The following CPSF3 variants were observed in gnomAD, a reference collection of about 807,000 sequenced individuals.
The protein encoded by CPSF3 is cleavage and polyadenylation specificity factor subunit 3.
A neutral mutation model predicts 84.1 loss-of-function variants in CPSF3; 57 were observed. The observed-to-expected ratio is 0.68, with a 90% confidence interval of 0.55 to 0.85. CPSF3 has a LOEUF of 0.85. Ranked by LOEUF, CPSF3 falls within the 40% of genes least tolerant of loss-of-function variation. The probability of loss-of-function intolerance (pLI) is 0.00; values close to 1 mark genes in which losing one functional copy is unlikely to be tolerated. For missense variants in CPSF3, 522 were observed against 838.8 expected (o/e 0.62, Z 4.66); for synonymous variants, 275 against 278.1 (o/e 0.99, Z 0.11).
Position 9,423,790 on chromosome 2 carries a change from C to T in CPSF3, c.17C>T (p.Ala6Val). 6.2e-7 allele frequency: 1 copy of T among 1,613,702 alleles called. No individual in the cohort carries two copies. The highest frequency in any genetic ancestry group is 8.5e-7 in the Non-Finnish European group (1 of 1,179,850). MSAIP[A>V]EESDQLLIRP... ...ACTTTCGGGATGTCTGCGATTCCTG[C>T]TGAGGAGAGCGACCAGCTGCTGATC... Residue 6 changes from alanine (A) to valine (V), a missense_variant, in exon 1 of 18, where the codon GCT becomes GTT. Physicochemically the swap from Ala to Val is moderately conservative, Grantham distance 64. This residue lies in a region of CPSF3 where 329 missense variants were observed against 607.2 expected (regional missense o/e 0.54). Coordinates refer to ENST00000238112, the MANE Select transcript of CPSF3 (RefSeq NM_016207.4).
chr2:9,459,637 CCT>C lies in CPSF3; in HGVS notation c.1786+20_1786+21del. The stretch of plus-strand genomic sequence containing the variant: ...AGAAAAGGTAAGAGTTCATTTTTAT[CCT>C]TTTTTTTTTTTTTTTTTTTTTTTTT... On this transcript the variant is annotated intron_variant, in intron 15 of 17. Transcript: ENST00000238112. 8.6e-6 allele frequency: 4 copies of C among 464,316 alleles called. No individual in the cohort carries two copies. Among genetic ancestry groups the C allele is most frequent in the Admixed American group, 4.6e-5 (1 of 21,828 alleles). The allele number at this position is 464,316 out of a possible 1,614,324, so 28.8% of individuals were successfully genotyped here. A position where few individuals can be genotyped will look rare whatever the true frequency, so the allele number is the denominator to read the frequency against.
chr2:9,459,636 TCC>T lies in CPSF3; in HGVS notation c.1786+19_1786+20del. On this transcript the variant is annotated intron_variant, in intron 15 of 17. Coordinates refer to ENST00000238112, the MANE Select transcript of CPSF3 (RefSeq NM_016207.4). ...AAGAAAAGGTAAGAGTTCATTTTTA[TCC>T]TTTTTTTTTTTTTTTTTTTTTTTTT... 1.4e-6 allele frequency: 1 copy of T among 720,730 alleles called. No homozygotes were observed. The highest frequency in any genetic ancestry group is 2.3e-6 in the Non-Finnish European group (1 of 440,388). The allele number at this position is 720,730 out of a possible 1,614,324, so 44.6% of individuals were successfully genotyped here.
At position 9,432,510 on chromosome 2, in the gene CPSF3, G is replaced by T. The variant is rs375046889; in HGVS notation, c.342-1G>T. 23 of 1,462,284 alleles carry T rather than the reference G, an allele frequency of 1.6e-5. No homozygotes were observed. Among genetic ancestry groups the T allele is most frequent in the Non-Finnish European group, 2.1e-5 (23 of 1,089,322 alleles). The allele number at this position is 1,462,284 out of a possible 1,614,324, so 90.6% of individuals were successfully genotyped here. On this transcript the variant is annotated splice_acceptor_variant, in intron 4 of 17. Transcript: ENST00000238112. LOFTEE classifies it high-confidence loss of function. ...TTTTGCTGGCATCTTTCAAAATTTAGTAACATATCAGCAGACGACATGCTG... is the reference window on the plus strand; with the variant it reads ...TTTTGCTGGCATCTTTCAAAATTTATTAACATATCAGCAGACGACATGCTG...
chr2:9,448,270 G>A lies in CPSF3; in HGVS notation c.1315G>A (p.Asp439Asn), dbSNP rs994680190. ...AALIREYEDNDEVHIEVHNPR... is the reference protein window; with the variant it reads ...AALIREYEDNNEVHIEVHNPR... ...ACTGATTCGAGAATATGAAGATAAC[G>A]ATGAAGTTCACATAGAGGTTCATAA... Residue 439 changes from aspartate (D) to asparagine (N), a missense_variant, in exon 11 of 18, where the codon GAT becomes AAT. Transcript: ENST00000238112. 9 of 1,612,750 alleles carry A rather than the reference G, an allele frequency of 5.6e-6. No individual in the cohort carries two copies. Among genetic ancestry groups the A allele is most frequent in the African/African-American group, 2.7e-5 (2 of 74,892 alleles).
chr2:9,430,068 T>C (rs1680528068), intron 3 of CPSF3, 48 bp downstream of exon 3: 2 of 1,078,184 alleles, frequency 1.9e-6, no homozygotes, highest in Non-Finnish European at 2.7e-6. Context: ...ACTTTTACTA[T>C]CAAGATCATT....
chr2:9,450,902 G>A (rs1681308209), intron 11 of CPSF3, among the ~76,000 whole-genome samples: 1 of 152,170 alleles, frequency 6.6e-6, no homozygotes, highest in African/African-American at 2.4e-5. Flanking sequence ...GCAAAACTTA[G>A]GGTATGAGGT....
chr2:9,428,805 G>A lies in CPSF3; in HGVS notation c.91G>A (p.Glu31Lys). ...QEVGRSCIILEFKGRKIMLDC... is the reference protein window; with the variant it reads ...QEVGRSCIILKFKGRKIMLDC... ...AGTAGGAAGATCATGTATTATTCTC[G>A]AGTTCAAAGGAAGAAAAATAATGGT... Residue 31 changes from glutamate (E) to lysine (K), a missense_variant, in exon 2 of 18, where the codon GAG becomes AAG. By Grantham distance (56) the Glu-to-Lys change is moderately conservative. Transcript: ENST00000238112. 3.8e-6 allele frequency: 6 copies of A among 1,599,130 alleles called. No homozygotes were observed. The highest frequency in any genetic ancestry group is 5.1e-6 in the Non-Finnish European group (6 of 1,166,692).
intron 16 of CPSF3, among the ~76,000 whole-genome samples, chr2:9,468,903 G>A (rs1340106259): frequency 6.6e-6 from 1 of 152,014 alleles, no homozygotes; most frequent in African/African-American, 2.4e-5. Flanking sequence ...TGGGATTAGA[G>A]GTGTGAACCC....
At chr2:9,469,534 G>A (rs1682092205) in intron 16 of CPSF3, among the ~76,000 whole-genome samples, 1 of 152,146 alleles carries the variant, frequency 6.6e-6, no homozygotes, top group Non-Finnish European at 1.5e-5. Context: ...GCTGTGGCTG[G>A]TCCTCAGGAG....
rs199717693 is a variant in CPSF3, at chr2:9,471,371, G to A, written c.1885G>A (p.Val629Ile). The A allele has an allele frequency of 1.9e-6, 3 of 1,612,252 alleles. No individual in the cohort carries two copies. The highest frequency in any genetic ancestry group is 2.5e-6 in the Non-Finnish European group (3 of 1,178,372). ...CATATTTGGAGAAGACTGTGTAAGT[G>A]TAAAGGATGACTCTATTCTTAGCGT... ...QDIFGEDCVS[V>I]KDDSILSVTV... The change falls in exon 17 of 18, where the codon GTA (valine) becomes ATA (isoleucine). Residue 629 changes from valine to isoleucine, a missense_variant. Transcript: ENST00000238112.
rs1249667553 is a variant in CPSF3, at chr2:9,430,965, T to C, written c.341+85T>C. Reference sequence around the variant, plus strand: ...ATATGGACCATTTTGTGTTTTAAAATGAGGTGCTCCCTTTTCATGTATAAG... The same window carrying C: ...ATATGGACCATTTTGTGTTTTAAAACGAGGTGCTCCCTTTTCATGTATAAG... On this transcript the variant is annotated intron_variant, in intron 4 of 17. Coordinates refer to ENST00000238112, the MANE Select transcript of CPSF3 (RefSeq NM_016207.4). 6.0e-6 allele frequency: 6 copies of C among 996,742 alleles called. No individual in the cohort carries two copies. In the African/African-American group the frequency reaches 9.8e-5, roughly 16 times the overall value. 61.7% of individuals were successfully genotyped at this position (996,742 alleles called of 1,614,324 possible).
At chr2:9,457,979 C>G (rs1471607550) in intron 14 of CPSF3, among the ~76,000 whole-genome samples, 1 of 152,150 alleles carries the variant, frequency 6.6e-6, no homozygotes, top group Non-Finnish European at 1.5e-5. Flanking sequence ...TGGTCTTGAA[C>G]TCCTGACCTC....
rs116032989 is a variant in CPSF3 at position 9,433,697 on chromosome 2, C to T, written c.520-174C>T. Among the ~76,000 whole-genome samples the T allele has an allele frequency of 7.3e-3, 1,107 of 152,280 alleles. 14 individuals carry two copies. The highest frequency in any genetic ancestry group is 0.025 in the African/African-American group (1,042 of 41,552). On this transcript the variant is annotated intron_variant, in intron 5 of 17. Transcript: ENST00000238112. ...AGAGGAAATAATTGAAGCACTGAAC[C>T]GTTTACTGACTGAACTACACATTTT...
intron 15 of CPSF3, among the ~76,000 whole-genome samples, chr2:9,466,344 G>GACCACA (rs138240360): frequency 4.4e-5 from 4 of 90,878 alleles, no homozygotes; most frequent in Non-Finnish European, 1.1e-4. Context: ...GCACACACGC[G>GACCACA]CGCGCGCGCA....
intron 6 of CPSF3, among the ~76,000 whole-genome samples, chr2:9,435,760 T>G (rs1272137365): frequency 6.8e-6 from 1 of 148,048 alleles, no homozygotes; most frequent in Non-Finnish European, 1.5e-5. Context: ...TGAGATGGAG[T>G]CTTGCTCTGT....
At position 9,467,713 on chromosome 2, in the gene CPSF3, T is replaced by C; in HGVS notation, c.1793T>C (p.Val598Ala). 2 of 1,611,446 alleles carry C rather than the reference T, an allele frequency of 1.2e-6. No individual in the cohort carries two copies. The highest frequency in any genetic ancestry group is 1.1e-5 in the South Asian group (1 of 91,018). ...TCGCTTTTTTTTTTCCCAGGTGCAG[T>C]ACAGAAGGTTTCTAAAAAATTAGAA... ...QSNPKIRKGAVQKVSKKLEMH... is the reference protein window; with the variant it reads ...QSNPKIRKGAAQKVSKKLEMH... Residue 598 changes from valine to alanine, a missense_variant, in exon 16 of 18, where the codon GTA (valine) becomes GCA (alanine). Transcript: ENST00000238112.
chr2:9,423,659 T>C lies in CPSF3; in HGVS notation c.-115T>C. On this transcript the variant is annotated 5_prime_UTR_variant, in exon 1 of 18. Coordinates refer to ENST00000238112, the MANE Select transcript of CPSF3 (RefSeq NM_016207.4). ...GCCGCGGGCTCCGGAGTGACGGAAG[T>C]TGTGCTCTTGGTGAATGGGGTTCTT... is the stretch of plus-strand genomic sequence containing the variant. The C allele has an allele frequency of 7.4e-7, 1 of 1,352,668 alleles. No individual in the cohort carries two copies. Among genetic ancestry groups the C allele is most frequent in the Non-Finnish European group, 1.0e-6 (1 of 995,602 alleles). The allele number at this position is 1,352,668 out of a possible 1,614,324, so 83.8% of individuals were successfully genotyped here.
At chr2:9,465,241 G>T (rs1269996037) in intron 15 of CPSF3, among the ~76,000 whole-genome samples, 1 of 152,116 alleles carries the variant, frequency 6.6e-6, no homozygotes, top group African/African-American at 2.4e-5. Flanking sequence ...CTGGGAAATT[G>T]AAAGTGCATT....
intron 11 of CPSF3, among the ~76,000 whole-genome samples, chr2:9,451,783 C>T (rs1005397931): frequency 1.4e-5 from 2 of 147,732 alleles, no homozygotes; most frequent in Non-Finnish European, 3.0e-5. Context: ...GTGGCGCGAT[C>T]TCAGCTCACT....
Sources: gnomAD v4.1 joint callset for allele counts (sites outside exome capture counted in the v4.1 genomes callset) on GRCh38, gnomAD v4.1.1 for gene constraint, gnomAD v4.1.1 regional missense constraint, MANE v1.5 for transcripts, NCBI Gene and HGNC (gene_info 2026-07-23, HGNC 2026-07-21) for gene names.